The following LRP1B variants were observed in gnomAD, a reference collection of about 807,000 sequenced individuals.
LRP1B encodes low-density lipoprotein receptor-related protein 1B.
In LRP1B, 217 loss-of-function variants were observed where a neutral mutation model predicts 556.6. The ratio of observed to expected loss-of-function variants is 0.39; its 90% CI spans 0.35 to 0.44. The LOEUF (loss-of-function observed/expected upper bound fraction) is 0.44. LRP1B is among the 20% of genes least tolerant of loss of function. The pLI is 1.00. For missense variants in LRP1B, 5,053 were observed against 5,620.8 expected, an observed-to-expected ratio of 0.90 and a Z score of 3.23; for synonymous variants, 2,047 against 1,865.8, an observed-to-expected ratio of 1.10 and a Z score of -2.50.
chr2:140,592,467 C>T lies in LRP1B; in HGVS notation c.7194+6164G>A, dbSNP rs542026131. ...TTTCCTTTTTTTTTTTAGAAGTTGA[C>T]ACTCATCTTCTTTCTTGTCTTTGGT... On this transcript the variant is annotated intron_variant, in intron 43 of 90. Coordinates refer to ENST00000389484, the MANE Select transcript of LRP1B (RefSeq NM_018557.3). 4.6e-5 allele frequency among the ~76,000 whole-genome samples: 7 copies of T among 150,846 alleles called. 1 individual carries two copies. The South Asian group carries it at 1.3e-3, about 27-fold the overall frequency.
chr2:141,608,232 A>T (rs1687985614), intron 2 of LRP1B, among the ~76,000 whole-genome samples: 2 of 152,206 alleles, frequency 1.3e-5, no homozygotes, highest in African/African-American at 2.4e-5. Context: ...CTCAAAAGAA[A>T]AAAGAAAAGA....
chr2:141,114,373 T>C (rs1406681125), intron 7 of LRP1B, among the ~76,000 whole-genome samples: 2 of 152,166 alleles, frequency 1.3e-5, no homozygotes, highest in Non-Finnish European at 2.9e-5. Flanking sequence ...ATCAGGTCAC[T>C]CAGACTTAGA....
intron 3 of LRP1B, among the ~76,000 whole-genome samples, chr2:141,411,872 G>C (rs1035193730): frequency 6.6e-6 from 1 of 152,090 alleles, no homozygotes; most frequent in Non-Finnish European, 1.5e-5. Flanking sequence ...AGTATAAACA[G>C]AATGTGTGAT....
chr2:140,520,763 C>T (rs1378991596), intron 49 of LRP1B, among the ~76,000 whole-genome samples: 1 of 93,950 alleles, frequency 1.1e-5, no homozygotes, highest in Non-Finnish European at 2.2e-5. Context: ...TCAACAAAAC[C>T]CAAAAGAAGT....
chr2:141,434,747 T>A (rs1306893153), intron 3 of LRP1B, among the ~76,000 whole-genome samples: 3 of 117,204 alleles, frequency 2.6e-5, no homozygotes, highest in African/African-American at 8.9e-5. Flanking sequence ...GTGGTATTGA[T>A]AGGTCAGTTG....
chr2:140,287,001 T>C (rs1197545422), intron 84 of LRP1B, among the ~76,000 whole-genome samples: 1 of 151,788 alleles, frequency 6.6e-6, no homozygotes, highest in Non-Finnish European at 1.5e-5. Flanking sequence ...ACCAAAGTTA[T>C]AGAATACTGT....
At chr2:141,247,517 G>T (rs550437846) in intron 4 of LRP1B, among the ~76,000 whole-genome samples, 163 bp from the exon 5 acceptor site, 1 of 152,142 alleles carries the variant, frequency 6.6e-6, no homozygotes, top group African/African-American at 2.4e-5. Context: ...TAAAATTATT[G>T]CTGCCTTAAT....
At chr2:141,550,573 A>C (rs1209409144) in intron 2 of LRP1B, among the ~76,000 whole-genome samples, 1 of 152,104 alleles carries the variant, frequency 6.6e-6, no homozygotes, top group Non-Finnish European at 1.5e-5. Context: ...GCGTTATCCA[A>C]AGGCTTCAAA....
chr2:141,291,238 T>C (rs1246421245), intron 3 of LRP1B, among the ~76,000 whole-genome samples: 2 of 152,198 alleles, frequency 1.3e-5, no homozygotes, highest in African/African-American at 2.4e-5. Flanking sequence ...CTTACTTTTG[T>C]GAGAAAATTG....
At chr2:141,505,404 A>T (rs1292937692) in intron 2 of LRP1B, among the ~76,000 whole-genome samples, 1 of 152,094 alleles carries the variant, frequency 6.6e-6, no homozygotes, top group African/African-American at 2.4e-5. Context: ...TACTTCTGGC[A>T]TCCATTGCTG....
At chr2:140,790,506 T>C (rs1187327948) in intron 32 of LRP1B, among the ~76,000 whole-genome samples, 2 of 151,306 alleles carry the variant, frequency 1.3e-5, no homozygotes, top group African/African-American at 4.9e-5. Context: ...CACTTTTTCC[T>C]CAAGTACCAA....
chr2:140,882,290 G>C (rs917207949), intron 25 of LRP1B, among the ~76,000 whole-genome samples: 2 of 152,020 alleles, frequency 1.3e-5, no homozygotes, highest in African/African-American at 4.8e-5. Flanking sequence ...CAATCTACTT[G>C]TACCTCAGGA....
At chr2:141,292,796 G>A (rs781513920) in intron 3 of LRP1B, among the ~76,000 whole-genome samples, 98 of 152,054 alleles carry the variant, frequency 6.4e-4, no homozygotes, top group Non-Finnish European at 1.3e-3. Context: ...AACATGAATC[G>A]AAATAAACTT....
At chr2:141,603,768 C>T (rs550571587) in intron 2 of LRP1B, among the ~76,000 whole-genome samples, 1 of 152,144 alleles carries the variant, frequency 6.6e-6, no homozygotes. Context: ...TCATCAGGTA[C>T]TCTTCAGGTA....
At chr2:141,454,814 G>C (rs1170583366) in intron 3 of LRP1B, among the ~76,000 whole-genome samples, 1 of 152,128 alleles carries the variant, frequency 6.6e-6, no homozygotes, top group Admixed American at 6.6e-5. Flanking sequence ...GTGCTACTCT[G>C]AGAAATATAC....
intron 1 of LRP1B, among the ~76,000 whole-genome samples, chr2:142,112,422 A>C (rs1707034040): frequency 6.6e-6 from 1 of 152,106 alleles, no homozygotes; most frequent in Admixed American, 6.6e-5. Flanking sequence ...GTAGTAGTTA[A>C]AAGGAAAAAA....
chr2:142,084,938 T>G (rs1049774266), intron 1 of LRP1B, among the ~76,000 whole-genome samples: 1 of 152,128 alleles, frequency 6.6e-6, no homozygotes, highest in Non-Finnish European at 1.5e-5. Context: ...CCGCCTAGAG[T>G]GCATATCTGA....
intron 6 of LRP1B, among the ~76,000 whole-genome samples, chr2:141,225,116 G>A (rs914595158): frequency 2.0e-5 from 3 of 152,098 alleles, no homozygotes; most frequent in African/African-American, 7.2e-5. Context: ...AAAGATAAAA[G>A]CCTGTGAATG....
chr2:140,234,928 G>T (rs1349005499), intron 89 of LRP1B, 44 bp from the exon 90 acceptor site: 1 of 745,190 alleles, frequency 1.3e-6, no homozygotes. Context: ...TAATATTATA[G>T]AATCACTTTT....
Sources: gnomAD v4.1 joint callset for allele counts (sites outside exome capture counted in the v4.1 genomes callset) on GRCh38, gnomAD v4.1.1 for gene constraint, MANE v1.5 for transcripts, NCBI Gene and HGNC (gene_info 2026-07-23, HGNC 2026-07-21) for gene names.